Variants in PRSS27 observed in about 807,000 individuals in gnomAD.
PRSS27 encodes the protein serine protease 27, also known as channel-activating protease 2.
PRSS27 carries 25 observed loss-of-function variants against 32.0 expected under a neutral mutation model. The observed-to-expected ratio is 0.78, with a 90% CI of 0.57 to 1.09. The LOEUF (loss-of-function observed/expected upper bound fraction) is 1.09, where lower values mean the gene tolerates loss of function less well. PRSS27 is among the 50% of genes least tolerant of loss of function. The probability of loss-of-function intolerance (pLI) is 0.00; values close to 1 mark genes in which losing one functional copy is unlikely to be tolerated. For missense variants in PRSS27, 401 were observed against 394.9 expected (o/e 1.02, Z -0.13); for synonymous variants, 178 against 172.2 (o/e 1.03, Z -0.26).
Position 2,712,649 on chromosome 16 carries a change from G to C in PRSS27, c.844C>G (p.Gln282Glu). Residue 282 changes from glutamine (Q) to glutamate (E), a missense_variant, in exon 6 of 6, where the codon CAG becomes GAG. Transcript: ENST00000302641. The surrounding 1 kb of genome is among the most constrained non-coding windows in gnomAD (Gnocchi z 4.6). ...IHRIIPKLQF[Q>E]PARLGGQK ...TTCTGGCCGCCCAACCTCGCTGGCT[G>C]GAACTGCAGTTTGGGGATGATCCGA... The C allele has an allele frequency of 6.3e-7, 1 of 1,595,254 alleles. No homozygotes were observed. Among genetic ancestry groups the C allele is most frequent in the Non-Finnish European group, 8.5e-7 (1 of 1,170,716 alleles).
intron 1 of PRSS27, 49 bp from the exon 2 acceptor site, chr16:2,716,575 G>A: frequency 6.4e-7 from 1 of 1,562,754 alleles, no homozygotes. Context: ...AGCCTGGCCT[G>A]CCCTCCCCAA....
chr16:2,719,645 AGCCAGCCTGCTGGG>A (rs1567201569), intron 1 of PRSS27, among the ~76,000 whole-genome samples: 3 of 152,144 alleles, frequency 2.0e-5, no homozygotes, highest in African/African-American at 7.2e-5. Context: ...CTGAGCCTGC[AGCCAGCCTGCTGGG>A]GCTTCCGGGC....
rs750514214 is a variant in PRSS27 at position 2,715,846 on chromosome 16, C to G, written c.108G>C (p.Val36=). 1 of 1,600,848 alleles carries G rather than the reference C, an allele frequency of 6.2e-7. No homozygotes were observed. The highest frequency in any genetic ancestry group is 1.1e-5 in the South Asian group (1 of 90,058). The stretch of plus-strand genomic sequence containing the variant: ...CGCCCTCCTGCGTGTCCTGCCCGCC[C>G]ACCATTCGGTTCAGCATCCTGGGGC... ...CGRPRMLNRM[V]GGQDTQEGEW... is the part of the protein sequence containing the mutation. Residue 36 remains valine (V), a synonymous_variant, in exon 3 of 6, where the codon GTG becomes GTC. Transcript: ENST00000302641.
intron 2 of PRSS27, 151 bp downstream of exon 2, chr16:2,716,349 T>C (rs1348548225): frequency 2.7e-6 from 2 of 741,540 alleles, no homozygotes; most frequent in African/African-American, 3.5e-5. Context: ...CCTCCTCTCC[T>C]TTCTGGGCTC....
At chr16:2,718,699 T>C (rs2142068631) in intron 1 of PRSS27, among the ~76,000 whole-genome samples, 1 of 152,290 alleles carries the variant, frequency 6.6e-6, no homozygotes, top group South Asian at 2.1e-4. Context: ...TTGCATTGTC[T>C]ACCTTGGAAG....
chr16:2,715,827 C>A lies in PRSS27; in HGVS notation c.127G>T (p.Glu43Ter). 1 of 1,604,294 alleles carries A rather than the reference C, an allele frequency of 6.2e-7. No homozygotes were observed. Among genetic ancestry groups the A allele is most frequent in the East Asian group, 2.2e-5 (1 of 44,574 alleles). Reference sequence around the variant, plus strand: ...CTGACTTGCCAGGGCCACTCGCCCTCCTGCGTGTCCTGCCCGCCCACCATT... The same window carrying A: ...CTGACTTGCCAGGGCCACTCGCCCTACTGCGTGTCCTGCCCGCCCACCATT... ...NRMVGGQDTQ[E>*]GEWPWQVSIQ... Residue 43 changes from glutamate to a stop codon, truncating the protein, a stop_gained, in exon 3 of 6, where the codon GAG (glutamate) becomes TAG (stop). Transcript: ENST00000302641. LOFTEE classifies it high-confidence loss of function.
chr16:2,715,690 G>C (rs2067696798), intron 3 of PRSS27, 28 bp downstream of exon 3: 2 of 1,543,942 alleles, frequency 1.3e-6, no homozygotes, highest in African/African-American at 1.4e-5. Context: ...TCAGCGCTAT[G>C]GGCGGGGGCA....
chr16:2,720,032 G>C (rs1193756951), intron 1 of PRSS27, 83 bp downstream of exon 1: 6 of 1,287,792 alleles, frequency 4.7e-6, no homozygotes, highest in Non-Finnish European at 6.6e-6. Flanking sequence ...CCAGGGAGTA[G>C]GGGGCTGAGC....
intron 1 of PRSS27, 59 bp downstream of exon 1, chr16:2,720,056 A>AGT (rs1328395778): frequency 7.0e-7 from 1 of 1,432,776 alleles, no homozygotes; most frequent in African/African-American, 1.4e-5. Context: ...AGCCCCAGGC[A>AGT]GTGCAGCGGA....
In PRSS27 at chr16:2,713,076, G is replaced by T. The variant is rs1460324876; in HGVS notation, c.679-262C>A. On this transcript the variant is annotated intron_variant, in intron 5 of 5. Coordinates refer to ENST00000302641, the MANE Select transcript of PRSS27 (RefSeq NM_031948.5). ...GACCCACTGACTCTGATCCTTCTGG[G>T]GTGGGGTCCAGGAATCTGCTTTTTC... 5.6e-6 allele frequency: 3 copies of T among 536,612 alleles called. No homozygotes were observed. The East Asian group carries it at 8.9e-5, about 16-fold the overall frequency. The allele number at this position is 536,612 out of a possible 1,614,324, so 33.2% of individuals were successfully genotyped here.
At chr16:2,715,680 T>C (rs1348931281) in intron 3 of PRSS27, 38 bp downstream of exon 3, 11 of 1,523,016 alleles carry the variant, frequency 7.2e-6, no homozygotes, top group African/African-American at 1.4e-5. Flanking sequence ...CGGGGCGCTG[T>C]CAGCGCTATG....
intron 2 of PRSS27, 181 bp from the exon 3 acceptor site, chr16:2,716,061 T>TCCTGAGGACTCCA: frequency 1.2e-5 from 7 of 563,424 alleles, no homozygotes; most frequent in Admixed American, 1.0e-4. Context: ...CCTCCCCAGC[T>TCCTGAGGACTCCA]GCCCCCCAAA....
chr16:2,716,838 G>C, intron 1 of PRSS27: 1 of 462,504 alleles, frequency 2.2e-6, no homozygotes, highest in Non-Finnish European at 4.0e-6. Flanking sequence ...ATCCTGGAAA[G>C]GGTCCTCTCC....
chr16:2,716,028 G>A (rs2142067026), intron 2 of PRSS27, 148 bp from the exon 3 acceptor site: 2 of 658,566 alleles, frequency 3.0e-6, no homozygotes, highest in Admixed American at 3.2e-5. Context: ...TGGGCTTCGG[G>A]GCAGTCTGGG....
At chr16:2,719,977 C>G in intron 1 of PRSS27, 138 bp downstream of exon 1, 1 of 806,928 alleles carries the variant, frequency 1.2e-6, no homozygotes, top group South Asian at 1.7e-5. Context: ...CCCACCTGCT[C>G]AGGGGCAGGA....
chr16:2,712,742 C>A lies in PRSS27; in HGVS notation c.751G>T (p.Glu251Ter). 6.3e-7 allele frequency: 1 copy of A among 1,587,868 alleles called. No homozygotes were observed. Among genetic ancestry groups the A allele is most frequent in the Non-Finnish European group, 8.6e-7 (1 of 1,167,058 alleles). ...GGGCGGTTCTGGCGGGCACAGCCCT[C>A]ACCCCAGCTGATCACCCCCGCCTGC... ...WLQAGVISWG[E>*]GCARQNRPGV... Residue 251 changes from glutamate to a stop codon, truncating the protein, a stop_gained, in exon 6 of 6, where the codon GAG becomes TAG. Transcript: ENST00000302641. LOFTEE classifies it high-confidence loss of function. This position sits in a 1 kb window ranked among gnomAD's most constrained non-coding sequence, Gnocchi z 4.6.
Position 2,714,190 on chromosome 16 carries a change from A to C in PRSS27, c.383T>G (p.Val128Gly). 1.2e-6 allele frequency: 2 copies of C among 1,614,018 alleles called. No homozygotes were observed. The highest frequency in any genetic ancestry group is 1.1e-5 in the South Asian group (1 of 91,080). ...GAAGGGCACTGGTGCCTCCAGCTCCACCAGGGCCACGTCAGCGCTGGAGGC... is the reference window on the plus strand; with the variant it reads ...GAAGGGCACTGGTGCCTCCAGCTCCCCCAGGGCCACGTCAGCGCTGGAGGC... ...GTASSADVAL[V>G]ELEAPVPFTN... The change falls in exon 4 of 6, where the codon GTG (valine) becomes GGG (glycine). Residue 128 changes from valine (V) to glycine (G), a missense_variant. Physicochemically the swap from Val to Gly is moderately radical, Grantham distance 109 (BLOSUM62 -3). Transcript: ENST00000302641. This position sits in a 1 kb window ranked among gnomAD's most constrained non-coding sequence, Gnocchi z 4.7.
In PRSS27 at chr16:2,714,563, G is replaced by A; in HGVS notation, c.237-227C>T. On this transcript the variant is annotated intron_variant, in intron 3 of 5. Transcript: ENST00000302641. The surrounding 1 kb of genome is among the most constrained non-coding windows in gnomAD (Gnocchi z 4.7). ...CCACCCCTGGCCGCTGTGTGGCCTT[G>A]GGCAAGTCACTTAACAAGTTCTCTG... is the stretch of plus-strand genomic sequence containing the variant. The A allele has an allele frequency of 3.4e-6, 2 of 593,194 alleles. No individual in the cohort carries two copies. The highest frequency in any genetic ancestry group is 6.0e-6 in the Non-Finnish European group (2 of 331,468). 36.7% of individuals were successfully genotyped at this position (593,194 alleles called of 1,614,324 possible).
At chr16:2,719,287 C>T (rs914901351) in intron 1 of PRSS27, among the ~76,000 whole-genome samples, 2 of 152,084 alleles carry the variant, frequency 1.3e-5, no homozygotes, top group Admixed American at 6.5e-5. Flanking sequence ...TGGGGGAGGC[C>T]GGGCCACTGA....
Sources: gnomAD v4.1 joint callset for allele counts (sites outside exome capture counted in the v4.1 genomes callset) on GRCh38, gnomAD v4.1.1 for gene constraint, Gnocchi (gnomAD v3.1) non-coding constraint, MANE v1.5 for transcripts, NCBI Gene and HGNC (gene_info 2026-07-23, HGNC 2026-07-21) for gene names.